The following NAV3 variants were observed in gnomAD, a reference collection of about 807,000 sequenced individuals.
NAV3 encodes the protein neuron navigator 3, also known as pore membrane and/or filament interacting like protein 1.
NAV3 carries 87 observed loss-of-function variants against 244.7 expected under a neutral mutation model. That is an observed-to-expected ratio of 0.36 (90% CI 0.30 to 0.42). NAV3 has a LOEUF of 0.42. Ranked by LOEUF, NAV3 falls within the 20% of genes least tolerant of loss-of-function variation. NAV3 has a pLI of 1.00. For synonymous variants in NAV3, 1,126 were observed against 1,042.2 expected, an observed-to-expected ratio of 1.08 and a Z score of -1.55; for missense variants, 2,663 against 2,893.3, an observed-to-expected ratio of 0.92 and a Z score of 1.83.
chr12:78,047,877 C>G (rs1882095781), intron 9 of NAV3, among the ~76,000 whole-genome samples: 1 of 152,118 alleles, frequency 6.6e-6, no homozygotes, highest in Non-Finnish European at 1.5e-5. Flanking sequence ...TTCACATAGT[C>G]CCATATTTCT....
chr12:77,876,961 C>T (rs935761865), intron 1 of NAV3, among the ~76,000 whole-genome samples: 17 of 152,192 alleles, frequency 1.1e-4, no homozygotes, highest in African/African-American at 3.9e-4. Flanking sequence ...CTGTTAATTA[C>T]AGTACTTAAG....
At chr12:78,192,250 G>A (rs1959015202) in intron 34 of NAV3, among the ~76,000 whole-genome samples, 1 of 151,894 alleles carries the variant, frequency 6.6e-6, no homozygotes. Context: ...CAGAGTACAG[G>A]CTATTTGTGC....
In NAV3 at chr12:78,006,965, A is replaced by G. The variant is rs751658778; in HGVS notation, c.1427A>G (p.Asn476Ser). Residue 476 changes from asparagine to serine, a missense_variant, in exon 8 of 40, where the codon AAT becomes AGT. Physicochemically the swap from Asn to Ser is conservative, Grantham distance 46. Transcript: ENST00000397909. ...KEKEEKNRDK[N>S]KVCTEKPVKE... is the part of the protein sequence containing the mutation. ...AAAGAAGAAAAGAACAGGGACAAAA[A>G]TAAAGTTTGCACTGAAAAACCAGTC... is the stretch of plus-strand genomic sequence containing the variant. 9 of 1,613,954 alleles carry G rather than the reference A, an allele frequency of 5.6e-6. No individual in the cohort carries two copies. In the Admixed American group the frequency reaches 1.3e-4, roughly 24 times the overall value.
intron 1 of NAV3, among the ~76,000 whole-genome samples, chr12:77,843,786 C>T (rs994138513): frequency 8.0e-5 from 12 of 150,938 alleles, no homozygotes; most frequent in Middle Eastern, 3.4e-3. Context: ...TCACAAAGGG[C>T]GGGGGGCATT....
intron 5 of NAV3, among the ~76,000 whole-genome samples, chr12:77,981,799 C>T (rs1420377452): frequency 6.6e-6 from 1 of 151,752 alleles, no homozygotes; most frequent in African/African-American, 2.4e-5. Context: ...TCTTTGTTTC[C>T]TTGTGAATGG....
intron 2 of NAV3, among the ~76,000 whole-genome samples, chr12:77,624,070 T>C (rs981445605): frequency 6.6e-6 from 1 of 152,152 alleles, no homozygotes; most frequent in African/African-American, 2.4e-5. Context: ...GAAAAAAGTG[T>C]CAGATAGCTC....
chr12:77,685,599 C>T (rs191036845), intron 2 of NAV3, among the ~76,000 whole-genome samples: 32 of 152,150 alleles, frequency 2.1e-4, no homozygotes, highest in Admixed American at 7.2e-4. Flanking sequence ...CCAATTTTCC[C>T]GTTTTCAAGA....
rs748531378 is a variant in NAV3, at chr12:77,766,735, G to GTTTTTTTTTTTTTTTTTTTTTT, written c.73-173569_73-173548dup. Among the ~76,000 whole-genome samples, 7 of 60,512 alleles carry GTTTTTTTTTTTTTTTTTTTTTT rather than the reference G, an allele frequency of 1.2e-4. 1 individual carries two copies. The highest frequency in any genetic ancestry group is 7.3e-4 in the Admixed American group (3 of 4,124). The allele number at this position is 60,512 out of a possible 152,430, so 39.7% of individuals were successfully genotyped here. ...AGGATTCTAAAAAACAGGCAATTAAGTTTTTTTTTTTTTTTTTTTTTTTTT... is the reference window on the plus strand; with the variant it reads ...AGGATTCTAAAAAACAGGCAATTAAGTTTTTTTTTTTTTTTTTTTTTTTTTTTTTTTTTTTTTTTTTTTTTTT... On this transcript the variant is annotated intron_variant, in intron 2 of 8. Transcript: ENST00000550042.
At chr12:78,058,483 T>C (rs1263884318) in intron 11 of NAV3, among the ~76,000 whole-genome samples, 2 of 151,904 alleles carry the variant, frequency 1.3e-5, no homozygotes, top group East Asian at 3.9e-4. Flanking sequence ...CAATTCAGGG[T>C]GAGAGTTGGG....
chr12:77,711,919 G>A (rs879809082), intron 2 of NAV3, among the ~76,000 whole-genome samples: 3 of 152,128 alleles, frequency 2.0e-5, no homozygotes, highest in Non-Finnish European at 4.4e-5. Flanking sequence ...CTGGTGGGCT[G>A]TTTCTATAGC....
chr12:78,146,428 A>T, intron 21 of NAV3, 36 bp downstream of exon 21: 1 of 959,362 alleles, frequency 1.0e-6, no homozygotes, highest in Non-Finnish European at 1.5e-6. Flanking sequence ...AATATTTTCT[A>T]TTTTAGTTTG....
chr12:77,798,917 C>A (rs1231725682), intron 2 of NAV3, among the ~76,000 whole-genome samples: 2 of 152,160 alleles, frequency 1.3e-5, no homozygotes, highest in African/African-American at 2.4e-5. Context: ...GAACAAAACA[C>A]CCCCAAACCA....
intron 2 of NAV3, among the ~76,000 whole-genome samples, chr12:77,811,405 C>T (rs1043479784): frequency 6.6e-6 from 1 of 152,268 alleles, no homozygotes; most frequent in Non-Finnish European, 1.5e-5. Context: ...TTAAGGGAAG[C>T]CTTTCTTCAC....
At chr12:77,992,849 T>C (rs1871679931) in intron 5 of NAV3, among the ~76,000 whole-genome samples, 1 of 152,140 alleles carries the variant, frequency 6.6e-6, no homozygotes, top group Non-Finnish European at 1.5e-5. Flanking sequence ...GCCTGGTCTA[T>C]GAATAGGAGA....
intron 2 of NAV3, among the ~76,000 whole-genome samples, chr12:77,751,836 C>A (rs139663369): frequency 1.6e-3 from 236 of 152,194 alleles, no homozygotes; most frequent in Non-Finnish European, 2.2e-3. Context: ...CTTTCATAAC[C>A]GAGCTTATAC....
In NAV3 at chr12:78,007,114, G is replaced by A. The variant is rs1216562908; in HGVS notation, c.1576G>A (p.Gly526Ser). 5.0e-6 allele frequency: 8 copies of A among 1,614,056 alleles called. No homozygotes were observed. The highest frequency in any genetic ancestry group is 2.2e-5 in the East Asian group (1 of 44,876). The change falls in exon 8 of 40, where the codon GGT becomes AGT. Residue 526 changes from glycine (G) to serine (S), a missense_variant. Transcript: ENST00000397909. ...GGAAAGCTTAATTCCGTCTTCCAGT[G>A]GTATTCCAAAACCAGGCTCTAAAGT... ...KKESLIPSSS[G>S]IPKPGSKVPT...
intron 2 of NAV3, among the ~76,000 whole-genome samples, chr12:77,707,241 A>AT (rs1354557222): frequency 8.5e-6 from 1 of 117,878 alleles, no homozygotes; most frequent in African/African-American, 3.3e-5. Flanking sequence ...CTGGTGTGTG[A>AT]TGTTCCCCAT....
At chr12:77,596,915 A>G (rs1010913546) in intron 2 of NAV3, among the ~76,000 whole-genome samples, 3 of 152,116 alleles carry the variant, frequency 2.0e-5, no homozygotes, top group East Asian at 1.9e-4. Context: ...GGAGAGGGGT[A>G]CAATAAAAGT....
intron 1 of NAV3, among the ~76,000 whole-genome samples, chr12:77,910,016 A>T (rs1249186297): frequency 6.6e-6 from 1 of 152,116 alleles, no homozygotes; most frequent in Admixed American, 6.6e-5. Context: ...AAGATTTTTA[A>T]CAGAATAGCA....
Sources: allele counts gnomAD v4.1 joint callset (sites outside exome capture counted in the v4.1 genomes callset), GRCh38; gene constraint gnomAD v4.1.1; transcripts MANE v1.5; gene names NCBI Gene and HGNC (gene_info 2026-07-23, HGNC 2026-07-21).